Variants in SLC13A3 observed in about 807,000 individuals in gnomAD.
The protein encoded by SLC13A3 is Na(+)/dicarboxylate cotransporter 3.
A neutral mutation model predicts 59.0 loss-of-function variants in SLC13A3; 40 were observed. The observed-to-expected ratio is 0.68, with a 90% CI of 0.53 to 0.88. SLC13A3 has a LOEUF of 0.88. SLC13A3 is among the 40% of genes least tolerant of loss of function. The pLI is 0.00. For missense variants in SLC13A3, 699 were observed against 783.2 expected (o/e 0.89, Z 1.28); for synonymous variants, 317 against 330.3 (o/e 0.96, Z 0.44).
chr20:46,589,271 G>T lies in SLC13A3; in HGVS notation c.921-16C>A. ...CCTCCAGCCCCTGAAACAGAAAGTG[G>T]GAGATTAGGAGTGGCCACTGCAGGT... On this transcript the variant is annotated splice_polypyrimidine_tract_variant and intron_variant, in intron 6 of 12. Coordinates refer to ENST00000279027, the MANE Select transcript of SLC13A3 (RefSeq NM_022829.6). 1 of 1,610,810 alleles carries T rather than the reference G, an allele frequency of 6.2e-7. No homozygotes were observed. Among genetic ancestry groups the T allele is most frequent in the South Asian group, 1.1e-5 (1 of 90,980 alleles).
Position 46,559,475 on chromosome 20 carries a change from C to A in SLC13A3, c.*547G>T. 6.6e-6 allele frequency: 1 copy of A among 152,416 alleles called. No individual in the cohort carries two copies. Among genetic ancestry groups the A allele is most frequent in the East Asian group, 1.9e-4 (1 of 5,194 alleles). 9.4% of individuals were successfully genotyped at this position (152,416 alleles called of 1,614,324 possible). ...CCAAGGATTAAAAAAGAATCTCTGA[C>A]TGCTGGTTATCGGCAGGGGTAAAAC... On this transcript the variant is annotated 3_prime_UTR_variant, in exon 13 of 13. Transcript: ENST00000279027.
chr20:46,563,632 G>GAGAGAC, intron 11 of SLC13A3, 81 bp from the exon 12 acceptor site: 14 of 1,455,522 alleles, frequency 9.6e-6, no homozygotes, highest in African/African-American at 1.4e-5. Context: ...GAGAGAGAGA[G>GAGAGAC]GCAGTTGGAA....
At chr20:46,598,258 A>C (rs1406144647) in intron 4 of SLC13A3, among the ~76,000 whole-genome samples, 2 of 152,198 alleles carry the variant, frequency 1.3e-5, no homozygotes, top group Non-Finnish European at 2.9e-5. Flanking sequence ...TATGACAGGA[A>C]GGCAAAGACC....
intron 1 of SLC13A3, 90 bp downstream of exon 1, chr20:46,651,221 G>A: frequency 1.4e-6 from 2 of 1,392,106 alleles, no homozygotes; most frequent in South Asian, 3.2e-5. Flanking sequence ...TGTCTACACT[G>A]GGACCTCAGC....
chr20:46,651,488 A>T, upstream of SLC13A3: 2 of 1,304,656 alleles, frequency 1.5e-6, no homozygotes, highest in East Asian at 3.4e-5. Context: ...GCCGGCTTAA[A>T]GCCTGGGGGA....
intron 1 of SLC13A3, among the ~76,000 whole-genome samples, chr20:46,639,489 A>C (rs1459555217): frequency 6.6e-6 from 1 of 151,956 alleles, no homozygotes; most frequent in Non-Finnish European, 1.5e-5. Context: ...AAAAAACAAA[A>C]AACCAGAGTT....
chr20:46,582,037 C>T (rs2062143655), intron 9 of SLC13A3, among the ~76,000 whole-genome samples: 1 of 152,140 alleles, frequency 6.6e-6, no homozygotes, highest in South Asian at 2.1e-4. Context: ...CCTGTAGTCC[C>T]AACATTTCAG....
chr20:46,632,910 T>TAGATAGATAGACAG (rs1314009715), intron 1 of SLC13A3, among the ~76,000 whole-genome samples: 4 of 73,562 alleles, frequency 5.4e-5, no homozygotes, highest in South Asian at 4.9e-4. Context: ...GATAGATAGA[T>TAGATAGATAGACAG]ATATCTATCT....
At chr20:46,608,970 C>T (rs777620642) in intron 3 of SLC13A3, 1 of 1,550,872 alleles carries the variant, frequency 6.4e-7, no homozygotes, top group Admixed American at 2.0e-5. Flanking sequence ...ATTCCATTGA[C>T]CAGACTCAGT....
intron 1 of SLC13A3, among the ~76,000 whole-genome samples, chr20:46,666,723 C>T (rs951699602): frequency 6.6e-6 from 1 of 152,002 alleles, no homozygotes; most frequent in Non-Finnish European, 1.5e-5. Flanking sequence ...AGGCTGGTCT[C>T]GAACTCCTGG....
intron 7 of SLC13A3, 28 bp downstream of exon 7, chr20:46,589,132 T>C: frequency 3.7e-6 from 6 of 1,601,550 alleles, no homozygotes; most frequent in Non-Finnish European, 5.1e-6. Flanking sequence ...TACTCAGCTC[T>C]TTCCTTAACC....
At chr20:46,567,369 A>G (rs1191377674) in intron 10 of SLC13A3, among the ~76,000 whole-genome samples, 1 of 152,160 alleles carries the variant, frequency 6.6e-6, no homozygotes, top group Non-Finnish European at 1.5e-5. Flanking sequence ...ACTCCTCCCA[A>G]CCATCCCAAA....
At chr20:46,637,021 G>A (rs1206762937) in intron 1 of SLC13A3, among the ~76,000 whole-genome samples, 3 of 152,006 alleles carry the variant, frequency 2.0e-5, no homozygotes, top group East Asian at 1.9e-4. Context: ...GGTTGGTCTC[G>A]ATCTCCTGAC....
At chr20:46,664,940 A>T (rs966269881) in intron 1 of SLC13A3, among the ~76,000 whole-genome samples, 33 of 152,260 alleles carry the variant, frequency 2.2e-4, no homozygotes, top group African/African-American at 7.5e-4. Flanking sequence ...GCCAGCAAGG[A>T]CTCAAAGTAG....
At chr20:46,592,613 A>G (rs1247734505) in intron 5 of SLC13A3, 84 bp from the exon 6 acceptor site, 2 of 1,394,146 alleles carry the variant, frequency 1.4e-6, no homozygotes, top group Non-Finnish European at 1.0e-6. Context: ...CAGTACTAGT[A>G]GCAGCGGGGA....
chr20:46,641,855 C>A (rs932466131), intron 1 of SLC13A3, among the ~76,000 whole-genome samples: 1 of 152,162 alleles, frequency 6.6e-6, no homozygotes, highest in South Asian at 2.1e-4. Flanking sequence ...AACAACCAAT[C>A]GAGACCCCAT....
intron 6 of SLC13A3, 41 bp downstream of exon 6, chr20:46,592,363 C>T (rs2062268237): frequency 1.2e-6 from 2 of 1,610,530 alleles, no homozygotes; most frequent in South Asian, 1.1e-5. Flanking sequence ...ACGCCATTCC[C>T]TGCTTCCCCA....
chr20:46,581,521 A>G (rs866154388), intron 9 of SLC13A3, among the ~76,000 whole-genome samples: 7 of 152,182 alleles, frequency 4.6e-5, no homozygotes, highest in African/African-American at 1.2e-4. Flanking sequence ...GACTGGGCTG[A>G]AGTTGGGTGA....
chr20:46,639,066 T>G (rs989537225), intron 1 of SLC13A3, among the ~76,000 whole-genome samples: 5 of 152,138 alleles, frequency 3.3e-5, no homozygotes, highest in African/African-American at 2.4e-5. Flanking sequence ...CATCATCTAT[T>G]ATTATCATAC....
Sources: allele counts gnomAD v4.1 joint callset (sites outside exome capture counted in the v4.1 genomes callset), GRCh38; gene constraint gnomAD v4.1.1; transcripts MANE v1.5; gene names NCBI Gene and HGNC (gene_info 2026-07-23, HGNC 2026-07-21).